Variants in KIRREL3 observed in about 807,000 individuals in gnomAD.
The protein encoded by KIRREL3 is kirre like nephrin family adhesion molecule 3.
KIRREL3 carries 36 observed loss-of-function variants against 89.7 expected under a neutral mutation model. That is an observed-to-expected ratio of 0.40 (90% CI 0.31 to 0.53). The LOEUF (loss-of-function observed/expected upper bound fraction) is 0.53, where lower values mean the gene tolerates loss of function less well. Ranked by LOEUF, KIRREL3 falls within the 20% of genes least tolerant of loss-of-function variation. The pLI is 0.49. For synonymous variants in KIRREL3, 445 were observed against 441.4 expected, an observed-to-expected ratio of 1.01 and a Z score of -0.10; for missense variants, 864 against 1,056.6, an observed-to-expected ratio of 0.82 and a Z score of 2.53.
chr11:126,698,043 A>T (rs1420753703), intron 1 of KIRREL3, among the ~76,000 whole-genome samples: 1 of 152,266 alleles, frequency 6.6e-6, no homozygotes, highest in Non-Finnish European at 1.5e-5. Flanking sequence ...CAAATGGCAC[A>T]GCTGAGGAGG....
At chr11:126,751,722 T>G (rs1052045322) in intron 1 of KIRREL3, among the ~76,000 whole-genome samples, 1 of 151,690 alleles carries the variant, frequency 6.6e-6, no homozygotes, top group Non-Finnish European at 1.5e-5. Context: ...TCTATCTGAA[T>G]ATGGGAAGGG....
In KIRREL3 at chr11:126,424,869, C is replaced by T. The variant is rs767173833; in HGVS notation, c.2048G>A (p.Ser683Asn). The T allele has an allele frequency of 1.9e-6, 3 of 1,613,792 alleles. No individual in the cohort carries two copies. The highest frequency in any genetic ancestry group is 2.5e-6 in the Non-Finnish European group (3 of 1,179,714). ...GTAGTCGTAGAGGCGGCCCTGGCCGCTCAGGGTGCTGTAGATGTTGGTGAA... is the reference window on the plus strand; with the variant it reads ...GTAGTCGTAGAGGCGGCCCTGGCCGTTCAGGGTGCTGTAGATGTTGGTGAA... ...MSFTNIYSTL[S>N]GQGRLYDYGQ... Residue 683 changes from serine to asparagine, a missense_variant, in exon 17 of 17, where the codon AGC becomes AAC. Ser to Asn is a conservative substitution (Grantham distance 46, BLOSUM62 1). Transcript: ENST00000525144.
intron 4 of KIRREL3, among the ~76,000 whole-genome samples, chr11:126,488,642 T>C (rs1466641186): frequency 6.6e-6 from 1 of 152,238 alleles, no homozygotes; most frequent in Admixed American, 6.5e-5. Context: ...TCCAGTGACC[T>C]GGCCTGTGGC....
rs1359005784 is a variant in KIRREL3 at position 126,783,169 on chromosome 11, G to A, written c.55+217286C>T. Among the ~76,000 whole-genome samples, 2 of 152,184 alleles carry A rather than the reference G, an allele frequency of 1.3e-5. No individual in the cohort carries two copies. The highest frequency in any genetic ancestry group is 4.8e-5 in the African/African-American group (2 of 41,452). Reference sequence around the variant, plus strand: ...AGAGCCATGCTTCCCCTGAAACCTGGAGGAGAGAATCCTTCCTTGCATTGT... The same window carrying A: ...AGAGCCATGCTTCCCCTGAAACCTGAAGGAGAGAATCCTTCCTTGCATTGT... On this transcript the variant is annotated intron_variant, in intron 1 of 16. Coordinates refer to ENST00000525144, the MANE Select transcript of KIRREL3 (RefSeq NM_032531.4). The surrounding 1 kb of genome is among the most constrained non-coding windows in gnomAD (Gnocchi z 4.3).
rs1401148507 is a variant in KIRREL3 at position 126,773,184 on chromosome 11, A to T, written c.56-210272T>A. ...GATTTTTTGTGTCAACTTTGCTGGG[A>T]CATGGTGCCCAGATGTTTTGTCAAA... On this transcript the variant is annotated intron_variant, in intron 1 of 16. Coordinates refer to ENST00000525144, the MANE Select transcript of KIRREL3 (RefSeq NM_032531.4). This position sits in a 1 kb window ranked among gnomAD's most constrained non-coding sequence, Gnocchi z 4.2. Among the ~76,000 whole-genome samples, 4 of 152,172 alleles carry T rather than the reference A, an allele frequency of 2.6e-5. No homozygotes were observed. Among genetic ancestry groups the T allele is most frequent in the Non-Finnish European group, 5.9e-5 (4 of 68,032 alleles).
At chr11:126,923,126 CT>C (rs200938081) in intron 1 of KIRREL3, among the ~76,000 whole-genome samples, 2,445 of 43,048 alleles carry the variant, frequency 0.057, 416 homozygotes, top group African/African-American at 0.085. Flanking sequence ...CCTTCTCCTT[CT>C]TCTCTTCTTC....
chr11:126,838,022 G>T (rs955870563), intron 1 of KIRREL3, among the ~76,000 whole-genome samples: 6 of 152,104 alleles, frequency 3.9e-5, no homozygotes, highest in African/African-American at 1.4e-4. Flanking sequence ...GTAAGTCATT[G>T]CCCATCATCC....
At chr11:126,929,948 A>ACC (rs35235576) in intron 1 of KIRREL3, among the ~76,000 whole-genome samples, 84 of 144,110 alleles carry the variant, frequency 5.8e-4, no homozygotes, top group South Asian at 2.0e-3. Flanking sequence ...TGGGGGAGCC[A>ACC]CCCCCCCCCC....
In KIRREL3 at chr11:126,508,924, C is replaced by T. The variant is rs546808802; in HGVS notation, c.433+12391G>A. On this transcript the variant is annotated intron_variant, in intron 4 of 16. Transcript: ENST00000525144. This position sits in a 1 kb window ranked among gnomAD's most constrained non-coding sequence, Gnocchi z 4.9. ...CTTGCCCTTCTCTCTTCTCTCCACT[C>T]GAGCAACTCACAAGCTGCCCTTTCT... 1.4e-3 allele frequency among the ~76,000 whole-genome samples: 218 copies of T among 152,242 alleles called. 1 individual carries two copies. The highest frequency in any genetic ancestry group is 1.4e-3 in the Admixed American group (21 of 15,294).
At position 126,709,163 on chromosome 11, in the gene KIRREL3, T is replaced by C. The variant is rs560535138; in HGVS notation, c.56-146251A>G. Among the ~76,000 whole-genome samples the C allele has an allele frequency of 6.6e-6, 1 of 152,236 alleles. No homozygotes were observed. The highest frequency in any genetic ancestry group is 1.5e-5 in the Non-Finnish European group (1 of 68,040). ...TCATTTAATACCGTCAACGACCATA[T>C]AAAGTGTGTTTGATTATCCTTAAGC... On this transcript the variant is annotated intron_variant, in intron 1 of 16. Coordinates refer to ENST00000525144, the MANE Select transcript of KIRREL3 (RefSeq NM_032531.4). The surrounding 1 kb of genome is among the most constrained non-coding windows in gnomAD (Gnocchi z 4.0).
At chr11:126,835,541 G>A (rs1221651235) in intron 1 of KIRREL3, among the ~76,000 whole-genome samples, 1 of 152,198 alleles carries the variant, frequency 6.6e-6, no homozygotes, top group African/African-American at 2.4e-5. Flanking sequence ...GATCCTATAT[G>A]TGCTGAGTAT....
At chr11:126,502,763 G>T (rs567098682) in intron 4 of KIRREL3, among the ~76,000 whole-genome samples, 2 of 152,176 alleles carry the variant, frequency 1.3e-5, no homozygotes, top group African/African-American at 4.8e-5. Flanking sequence ...TCTCCAAAAG[G>T]TGATCTTTAA....
chr11:126,997,613 A>T lies in KIRREL3; in HGVS notation c.55+2842T>A, dbSNP rs1950212774. On this transcript the variant is annotated intron_variant, in intron 1 of 16. Transcript: ENST00000525144. This position sits in a 1 kb window ranked among gnomAD's most constrained non-coding sequence, Gnocchi z 4.3. Reference sequence around the variant, plus strand: ...TGATTTCTGTTCTCTGTCTCTCTAAAAGGTTATAAGAAAAAGTAAAGGTAA... The same window carrying T: ...TGATTTCTGTTCTCTGTCTCTCTAATAGGTTATAAGAAAAAGTAAAGGTAA... Among the ~76,000 whole-genome samples, 1 of 152,156 alleles carries T rather than the reference A, an allele frequency of 6.6e-6. No individual in the cohort carries two copies. The highest frequency in any genetic ancestry group is 2.4e-5 in the African/African-American group (1 of 41,442).
intron 1 of KIRREL3, among the ~76,000 whole-genome samples, chr11:126,966,330 A>T (rs896529378): frequency 2.0e-5 from 3 of 152,192 alleles, no homozygotes; most frequent in African/African-American, 7.2e-5. Flanking sequence ...ATCGAGTCAG[A>T]ATTTTTGCCG....
intron 2 of KIRREL3, among the ~76,000 whole-genome samples, chr11:126,552,214 T>G (rs1444374962): frequency 6.6e-6 from 1 of 152,182 alleles, no homozygotes; most frequent in Non-Finnish European, 1.5e-5. Flanking sequence ...GAAGGGACAT[T>G]GGGTTCGGCC....
chr11:126,873,893 G>C (rs1945186245), intron 1 of KIRREL3, among the ~76,000 whole-genome samples: 1 of 152,204 alleles, frequency 6.6e-6, no homozygotes, highest in African/African-American at 2.4e-5. Context: ...AATCAGCAGG[G>C]CCACATATTG....
rs114930823 is a variant in KIRREL3 at position 126,608,230 on chromosome 11, C to G, written c.56-45318G>C. ...AAAAGCAGGAGGCAGCTGAAGGGGG[C>G]GGTCTCAGAAGCCCCCGCTGGGAGC... On this transcript the variant is annotated intron_variant, in intron 1 of 16. Coordinates refer to ENST00000525144, the MANE Select transcript of KIRREL3 (RefSeq NM_032531.4). The surrounding 1 kb of genome is among the most constrained non-coding windows in gnomAD (Gnocchi z 4.9). Among the ~76,000 whole-genome samples the G allele has an allele frequency of 6.6e-6, 1 of 152,140 alleles. No homozygotes were observed. The highest frequency in any genetic ancestry group is 2.4e-5 in the African/African-American group (1 of 41,442).
intron 6 of KIRREL3, 56 bp from the exon 7 acceptor site, chr11:126,456,510 C>T (rs1956350583): frequency 8.4e-7 from 1 of 1,184,984 alleles, no homozygotes; most frequent in Admixed American, 2.1e-5. Context: ...GCAGGGAGAT[C>T]CTGGGCGACA....
rs1957086599 is a variant in KIRREL3 at position 126,477,031 on chromosome 11, G to T, written c.434-3565C>A. On this transcript the variant is annotated intron_variant, in intron 4 of 16. Coordinates refer to ENST00000525144, the MANE Select transcript of KIRREL3 (RefSeq NM_032531.4). This position sits in a 1 kb window ranked among gnomAD's most constrained non-coding sequence, Gnocchi z 4.8. ...GCTTGTTGTCAGTCAGGAAAAAAAT[G>T]GCATTAACTGTTGGGGCACTGAAGC... 6.6e-6 allele frequency among the ~76,000 whole-genome samples: 1 copy of T among 152,192 alleles called. No individual in the cohort carries two copies. Among genetic ancestry groups the T allele is most frequent in the African/African-American group, 2.4e-5 (1 of 41,450 alleles).
Sources: gnomAD v4.1 joint callset for allele counts (sites outside exome capture counted in the v4.1 genomes callset) on GRCh38, gnomAD v4.1.1 for gene constraint, Gnocchi (gnomAD v3.1) non-coding constraint, MANE v1.5 for transcripts, NCBI Gene and HGNC (gene_info 2026-07-23, HGNC 2026-07-21) for gene names.